The following AGAP1 variants were observed in gnomAD, a reference collection of about 807,000 sequenced individuals.
AGAP1 encodes arf-GAP with GTPase, ANK repeat and PH domain-containing protein 1.
In AGAP1, 29 loss-of-function variants were observed where a neutral mutation model predicts 105.3. The ratio of observed to expected loss-of-function variants is 0.28; its 90% CI spans 0.21 to 0.38. The LOEUF (loss-of-function observed/expected upper bound fraction) is 0.38, where lower values mean the gene tolerates loss of function less well. Among genes scored for constraint, AGAP1 ranks in the 10% least tolerant of loss-of-function variants. The pLI, the probability that AGAP1 is intolerant of heterozygous loss-of-function variation, is 1.00. For missense variants in AGAP1, 998 were observed against 1,165.1 expected (o/e 0.86, Z 2.09); for synonymous variants, 509 against 485.9 (o/e 1.05, Z -0.63).
Position 235,960,757 on chromosome 2 carries a change from G to T in AGAP1, c.1484-7705G>T, listed in dbSNP as rs898965999. 1.3e-5 allele frequency among the ~76,000 whole-genome samples: 2 copies of T among 152,212 alleles called. No individual in the cohort carries two copies. The highest frequency in any genetic ancestry group is 2.9e-5 in the Non-Finnish European group (2 of 68,046). The stretch of plus-strand genomic sequence containing the variant: ...ATTCTCTGACAGCGGCCAGCTCCTA[G>T]GGCACGCTTGGTGCGTGGGGACACT... On this transcript the variant is annotated intron_variant, in intron 12 of 17. Transcript: ENST00000304032. This position sits in a 1 kb window ranked among gnomAD's most constrained non-coding sequence, Gnocchi z 4.9.
intron 16 of AGAP1, among the ~76,000 whole-genome samples, chr2:236,088,260 T>C (rs2058979304): frequency 2.0e-5 from 3 of 152,224 alleles, no homozygotes; most frequent in African/African-American, 7.2e-5. Flanking sequence ...CATTTTGGAA[T>C]TGGCAAAAGG....
chr2:236,042,745 T>C lies in AGAP1; in HGVS notation c.1891+1904T>C, dbSNP rs1576150848. ...GAAAGGGAGGCCAGTGCAGGGGAGG[T>C]GTGGGCCAGTTTGTTCTGAGCAAGA... On this transcript the variant is annotated intron_variant, in intron 15 of 17. Transcript: ENST00000304032. The surrounding 1 kb of genome is among the most constrained non-coding windows in gnomAD (Gnocchi z 5.6). 6.6e-6 allele frequency among the ~76,000 whole-genome samples: 1 copy of C among 151,504 alleles called. No individual in the cohort carries two copies. Among genetic ancestry groups the C allele is most frequent in the African/African-American group, 2.4e-5 (1 of 41,178 alleles).
intron 3 of AGAP1, among the ~76,000 whole-genome samples, chr2:235,726,762 G>C (rs1483196032): frequency 6.6e-6 from 1 of 152,190 alleles, no homozygotes; most frequent in Non-Finnish European, 1.5e-5. Flanking sequence ...GGTTGCATGA[G>C]ATAGTTGACC....
At chr2:235,703,309 T>G (rs932931876) in intron 1 of AGAP1, among the ~76,000 whole-genome samples, 5 of 152,112 alleles carry the variant, frequency 3.3e-5, no homozygotes, top group Non-Finnish European at 5.9e-5. Context: ...CACTTGTGCC[T>G]CCAGCGCAGC....
Position 236,090,793 on chromosome 2 carries a change from G to A in AGAP1, c.2115-29399G>A, listed in dbSNP as rs1362522931. On this transcript the variant is annotated intron_variant, in intron 16 of 17. Coordinates refer to ENST00000304032, the MANE Select transcript of AGAP1 (RefSeq NM_001037131.3). This position sits in a 1 kb window ranked among gnomAD's most constrained non-coding sequence, Gnocchi z 4.3. ...TGGTTCTTGTTGCCCAGCCTGGAGT[G>A]CAGTGGCACGATCTTGGCTCACTGC... 2.0e-5 allele frequency among the ~76,000 whole-genome samples: 3 copies of A among 152,190 alleles called. No homozygotes were observed. The highest frequency in any genetic ancestry group is 2.9e-5 in the Non-Finnish European group (2 of 68,038).
chr2:235,726,861 AG>A (rs1951673758), intron 3 of AGAP1, among the ~76,000 whole-genome samples: 1 of 152,102 alleles, frequency 6.6e-6, no homozygotes, highest in Admixed American at 6.5e-5. Flanking sequence ...GGAGCTGCCA[AG>A]GGGATGGATT....
At chr2:235,632,291 C>G (rs1946853819) in intron 1 of AGAP1, among the ~76,000 whole-genome samples, 1 of 152,206 alleles carries the variant, frequency 6.6e-6, no homozygotes, top group Admixed American at 6.5e-5. Context: ...CAGCTGTCCC[C>G]AGGAGCTAAA....
rs2149995559 is a variant in AGAP1 at position 235,789,070 on chromosome 2, A to G, written c.674-8689A>G. Among the ~76,000 whole-genome samples the G allele has an allele frequency of 6.6e-6, 1 of 152,354 alleles. No individual in the cohort carries two copies. The highest frequency in any genetic ancestry group is 1.9e-4 in the East Asian group (1 of 5,180). ...CTTTGAAGGAGTGCATGGAAGAGGA[A>G]GGGATGTGTGTTTCCTGCAGCGTGA... On this transcript the variant is annotated intron_variant, in intron 6 of 17. Coordinates refer to ENST00000304032, the MANE Select transcript of AGAP1 (RefSeq NM_001037131.3). This position sits in a 1 kb window ranked among gnomAD's most constrained non-coding sequence, Gnocchi z 4.2.
At position 235,719,839 on chromosome 2, in the gene AGAP1, GTGCA is replaced by G; in HGVS notation, c.310+2196_310+2199del. Reference sequence around the variant, plus strand: ...GGAGCTGACAGCAGCAGACACCCAGGTGCACCCCAGTGGGTGTGTGTCTAGGGCC... The same window carrying G: ...GGAGCTGACAGCAGCAGACACCCAGGCCCCAGTGGGTGTGTGTCTAGGGCC... On this transcript the variant is annotated intron_variant, in intron 3 of 17. Coordinates refer to ENST00000304032, the MANE Select transcript of AGAP1 (RefSeq NM_001037131.3). The surrounding 1 kb of genome is among the most constrained non-coding windows in gnomAD (Gnocchi z 4.9). Among the ~76,000 whole-genome samples, 1 of 152,296 alleles carries G rather than the reference GTGCA, an allele frequency of 6.6e-6. No individual in the cohort carries two copies. The highest frequency in any genetic ancestry group is 3.4e-3 in the Middle Eastern group (1 of 294).
At chr2:236,094,959 T>C (rs1485392478) in intron 16 of AGAP1, among the ~76,000 whole-genome samples, 1 of 143,644 alleles carries the variant, frequency 7.0e-6, no homozygotes, top group African/African-American at 2.6e-5. Context: ...ATTAGCCTGG[T>C]GCAGCGGCGC....
At chr2:235,869,288 A>G (rs2049322584) in intron 9 of AGAP1, among the ~76,000 whole-genome samples, 2 of 151,888 alleles carry the variant, frequency 1.3e-5, no homozygotes, top group Admixed American at 6.6e-5. Context: ...TAGTGGCTTA[A>G]AACAGTACCA....
At chr2:235,632,596 C>T (rs967711405) in intron 1 of AGAP1, among the ~76,000 whole-genome samples, 4 of 152,132 alleles carry the variant, frequency 2.6e-5, no homozygotes, top group African/African-American at 2.4e-5. Flanking sequence ...TTGCTGAAAT[C>T]GGGCTGGGGT....
At position 236,114,225 on chromosome 2, in the gene AGAP1, G is replaced by A. The variant is rs2059717053; in HGVS notation, c.2115-5967G>A. Among the ~76,000 whole-genome samples, 1 of 152,114 alleles carries A rather than the reference G, an allele frequency of 6.6e-6. No individual in the cohort carries two copies. Among genetic ancestry groups the A allele is most frequent in the African/African-American group, 2.4e-5 (1 of 41,414 alleles). On this transcript the variant is annotated intron_variant, in intron 16 of 17. Transcript: ENST00000304032. The surrounding 1 kb of genome is among the most constrained non-coding windows in gnomAD (Gnocchi z 5.0). ...CTGCTCTTGAACTGGCCTTCCTTGG[G>A]GAAAATGAAAGGCTCAGCCAAGACA...
chr2:235,563,275 T>A (rs1944226422), intron 1 of AGAP1, among the ~76,000 whole-genome samples: 1 of 152,090 alleles, frequency 6.6e-6, no homozygotes, highest in African/African-American at 2.4e-5. Flanking sequence ...TTTCTTTCCG[T>A]CCTGCCCCCC....
rs138525772 is a variant in AGAP1 at position 235,734,602 on chromosome 2, A to G, written c.311-6361A>G. Reference sequence around the variant, plus strand: ...ATCAACAGTAAAAAATGAAAGTTACAGACAGGTGTCTGTCTTTTTAGTTTC... The same window carrying G: ...ATCAACAGTAAAAAATGAAAGTTACGGACAGGTGTCTGTCTTTTTAGTTTC... On this transcript the variant is annotated intron_variant, in intron 3 of 17. Coordinates refer to ENST00000304032, the MANE Select transcript of AGAP1 (RefSeq NM_001037131.3). The surrounding 1 kb of genome is among the most constrained non-coding windows in gnomAD (Gnocchi z 5.3). 6.7e-3 allele frequency among the ~76,000 whole-genome samples: 1,016 copies of G among 152,356 alleles called. 9 individuals carry two copies. Among genetic ancestry groups the G allele is most frequent in the African/African-American group, 0.023 (963 of 41,578 alleles).
In AGAP1 at chr2:235,601,206, C is replaced by T. The variant is rs372875261; in HGVS notation, c.163+106357C>T. Among the ~76,000 whole-genome samples the T allele has an allele frequency of 7.9e-5, 12 of 152,236 alleles. No individual in the cohort carries two copies. The East Asian group carries it at 1.4e-3, about 17-fold the overall frequency. ...AGTTGAAAGTCCAAGGTCAAGGTGG[C>T]GTTTCTGGTGGGGCCCCTCTTTCTG... On this transcript the variant is annotated intron_variant, in intron 1 of 17. Coordinates refer to ENST00000304032, the MANE Select transcript of AGAP1 (RefSeq NM_001037131.3). The surrounding 1 kb of genome is among the most constrained non-coding windows in gnomAD (Gnocchi z 4.4).
At position 235,728,343 on chromosome 2, in the gene AGAP1, A is replaced by G. The variant is rs2696418; in HGVS notation, c.310+10699A>G. On this transcript the variant is annotated intron_variant, in intron 3 of 17. Coordinates refer to ENST00000304032, the MANE Select transcript of AGAP1 (RefSeq NM_001037131.3). The surrounding 1 kb of genome is among the most constrained non-coding windows in gnomAD (Gnocchi z 4.3). ...TGTGTGTGTGCGTGCTCTTAAATCA[A>G]TGTAAATTAGGCTATATACAGCTGC... 0.19 allele frequency among the ~76,000 whole-genome samples: 27,910 copies of G among 145,680 alleles called. 3,438 individuals are homozygous for G. The highest frequency in any genetic ancestry group is 0.39 in the East Asian group (1,960 of 5,076).
rs112394862 is a variant in AGAP1 at position 235,517,905 on chromosome 2, C to T, written c.163+23056C>T. On this transcript the variant is annotated intron_variant, in intron 1 of 17. Transcript: ENST00000304032. The surrounding 1 kb of genome is among the most constrained non-coding windows in gnomAD (Gnocchi z 4.1). Reference sequence around the variant, plus strand: ...CCAAGATTGTGCCTCTGCACTCCAGCCTGGGTGACAGAGTGAGACTCCGTT... The same window carrying T: ...CCAAGATTGTGCCTCTGCACTCCAGTCTGGGTGACAGAGTGAGACTCCGTT... Among the ~76,000 whole-genome samples the T allele has an allele frequency of 0.035, 5,020 of 143,036 alleles. 114 individuals are homozygous for T. Among genetic ancestry groups the T allele is most frequent in the Middle Eastern group, 0.17 (46 of 266 alleles). 93.8% of individuals were successfully genotyped at this position (143,036 alleles called of 152,430 possible).
At position 235,959,044 on chromosome 2, in the gene AGAP1, G is replaced by A. The variant is rs1235965247; in HGVS notation, c.1484-9418G>A. 1.3e-5 allele frequency among the ~76,000 whole-genome samples: 2 copies of A among 152,330 alleles called. No individual in the cohort carries two copies. Among genetic ancestry groups the A allele is most frequent in the Admixed American group, 6.5e-5 (1 of 15,310 alleles). ...CCGGCCCATCCCGGCTCAGCGCCGCGCAGCTCGGGACCCCAGTCCCTCCGT... is the reference window on the plus strand; with the variant it reads ...CCGGCCCATCCCGGCTCAGCGCCGCACAGCTCGGGACCCCAGTCCCTCCGT... On this transcript the variant is annotated intron_variant, in intron 12 of 17. Coordinates refer to ENST00000304032, the MANE Select transcript of AGAP1 (RefSeq NM_001037131.3). This position sits in a 1 kb window ranked among gnomAD's most constrained non-coding sequence, Gnocchi z 7.3.
Sources: allele counts gnomAD v4.1 joint callset (sites outside exome capture counted in the v4.1 genomes callset), GRCh38; gene constraint gnomAD v4.1.1; non-coding constraint Gnocchi (gnomAD v3.1); transcripts MANE v1.5; gene names NCBI Gene and HGNC (gene_info 2026-07-23, HGNC 2026-07-21).